Variants in ZNF827 observed in about 807,000 individuals in gnomAD.
The protein encoded by ZNF827 is zinc finger protein 827.
Under a neutral mutation model 102.4 loss-of-function variants are expected in ZNF827, and 13 were observed. The ratio of observed to expected loss-of-function variants is 0.13; its 90% CI spans 0.08 to 0.20. The LOEUF is 0.20. ZNF827 is among the 10% of genes least tolerant of loss of function. ZNF827 has a pLI of 1.00. For missense variants in ZNF827, 1,103 were observed against 1,344.4 expected (o/e 0.82, Z 2.81); for synonymous variants, 523 against 536.2 (o/e 0.98, Z 0.34).
intron 4 of ZNF827, among the ~76,000 whole-genome samples, chr4:145,875,732 T>C (rs1749097514): frequency 6.6e-6 from 1 of 152,126 alleles, no homozygotes; most frequent in South Asian, 2.1e-4. Flanking sequence ...AACTGCTCTG[T>C]GAAAAAGCAA....
At chr4:145,846,648 C>T in intron 6 of ZNF827, among the ~76,000 whole-genome samples, 1 of 137,778 alleles carries the variant, frequency 7.3e-6, no homozygotes, top group Non-Finnish European at 1.5e-5. Flanking sequence ...GAAAACCCGT[C>T]TCTACTAAAA....
intron 8 of ZNF827, among the ~76,000 whole-genome samples, chr4:145,797,420 G>T (rs1327939410): frequency 6.6e-6 from 1 of 152,138 alleles, no homozygotes; most frequent in Admixed American, 6.5e-5. Flanking sequence ...AACAGCCAGA[G>T]GATTAATCTT....
At chr4:145,769,140 T>C (rs1292057247) in intron 11 of ZNF827, among the ~76,000 whole-genome samples, 1 of 151,840 alleles carries the variant, frequency 6.6e-6, no homozygotes, top group Admixed American at 6.6e-5. Flanking sequence ...GGCAGACAAC[T>C]CTTACTTCAG....
intron 7 of ZNF827, among the ~76,000 whole-genome samples, chr4:145,835,495 G>C (rs1408393693): frequency 6.6e-6 from 1 of 150,532 alleles, no homozygotes; most frequent in Non-Finnish European, 1.5e-5. Flanking sequence ...CACCTGCCCA[G>C]TTCCCTTATT....
rs561377368 is a variant in ZNF827, at chr4:145,823,483, G to C, written c.2322C>G (p.Thr774=). 1.9e-6 allele frequency: 3 copies of C among 1,613,936 alleles called. No homozygotes were observed. Among genetic ancestry groups the C allele is most frequent in the Non-Finnish European group, 2.5e-6 (3 of 1,179,982 alleles). Residue 774 remains threonine, a synonymous_variant, in exon 8 of 15, where the codon ACC becomes ACG. Coordinates refer to ENST00000508784, the MANE Select transcript of ZNF827 (RefSeq NM_001306215.2). ...TGGGCAGCAGTTCTTTTGAATTGGA[G>C]GTGAATGGTGATTGTCTAAATGTGT... The part of the protein sequence containing the change: ...SEDTFRQSPF[T]SNSKELLPSD...
intron 8 of ZNF827, among the ~76,000 whole-genome samples, chr4:145,813,113 C>T (rs2126413206): frequency 6.6e-6 from 1 of 152,272 alleles, no homozygotes; most frequent in Middle Eastern, 3.4e-3. Flanking sequence ...CTCCTGACAT[C>T]TATCAACATT....
intron 10 of ZNF827, among the ~76,000 whole-genome samples, chr4:145,774,943 CTA>C (rs1217048027): frequency 1.3e-5 from 2 of 152,164 alleles, no homozygotes; most frequent in Non-Finnish European, 2.9e-5. Flanking sequence ...TAATTTAAAA[CTA>C]TGGATTCCAG....
intron 1 of ZNF827, 47 bp from the exon 2 acceptor site, chr4:145,903,262 A>G: frequency 6.5e-7 from 1 of 1,547,448 alleles, no homozygotes; most frequent in Non-Finnish European, 8.7e-7. Context: ...GTGAACAATA[A>G]GTAAGTCTCA....
rs371507342 is a variant in ZNF827 at position 145,922,654 on chromosome 4, C to G, written c.43+15711G>C. 2.6e-5 allele frequency among the ~76,000 whole-genome samples: 4 copies of G among 152,332 alleles called. No homozygotes were observed. In the East Asian group the frequency reaches 7.7e-4, roughly 29 times the overall value. On this transcript the variant is annotated intron_variant, in intron 1 of 14. Transcript: ENST00000508784. ...TACATGCATAAAGCACTTCTGCTAT[C>G]ACCAAAGTACGGTGGCTGTCTCAAG...
intron 8 of ZNF827, among the ~76,000 whole-genome samples, chr4:145,819,072 G>A (rs868536000): frequency 5.3e-5 from 8 of 151,180 alleles, no homozygotes; most frequent in East Asian, 1.9e-4. Flanking sequence ...ATCTTTTCTT[G>A]TTTGTACATT....
At chr4:145,769,996 G>C (rs1735997655) in intron 11 of ZNF827, among the ~76,000 whole-genome samples, 1 of 152,072 alleles carries the variant, frequency 6.6e-6, no homozygotes, top group Admixed American at 6.6e-5. Flanking sequence ...TTAAGATTAA[G>C]AATAAAGACT....
intron 11 of ZNF827, 80 bp downstream of exon 11, chr4:145,774,426 G>T (rs1163258282): frequency 6.7e-7 from 1 of 1,483,356 alleles, no homozygotes; most frequent in African/African-American, 1.4e-5. Flanking sequence ...GGGCAGTGGG[G>T]ATGCTTCGGC....
chr4:145,827,451 A>G (rs1401820775), intron 7 of ZNF827, among the ~76,000 whole-genome samples: 1 of 152,222 alleles, frequency 6.6e-6, no homozygotes, highest in African/African-American at 2.4e-5. Context: ...ATATGCCCCA[A>G]TTTCCTAAAA....
At chr4:145,862,748 T>C (rs1579409736) in intron 5 of ZNF827, among the ~76,000 whole-genome samples, 1 of 152,228 alleles carries the variant, frequency 6.6e-6, no homozygotes, top group Non-Finnish European at 1.5e-5. Context: ...TTCACAGGCT[T>C]TATATCTCTG....
Position 145,760,675 on chromosome 4 carries a change from T to G in ZNF827, c.*941A>C. ...TTCCAGACCCATCGGGGTCTGTAGG[T>G]TTTGCAGCAACATACACCTGCTGGG... is the stretch of plus-strand genomic sequence containing the variant. On this transcript the variant is annotated 3_prime_UTR_variant, in exon 15 of 15. Transcript: ENST00000508784. 2.4e-6 allele frequency: 2 copies of G among 834,694 alleles called. No homozygotes were observed. The highest frequency in any genetic ancestry group is 3.0e-6 in the Non-Finnish European group (2 of 660,596). 51.7% of individuals were successfully genotyped at this position (834,694 alleles called of 1,614,324 possible).
intron 1 of ZNF827, among the ~76,000 whole-genome samples, chr4:145,906,326 T>C (rs1367689712): frequency 6.6e-6 from 1 of 152,234 alleles, no homozygotes; most frequent in Admixed American, 6.5e-5. Flanking sequence ...TTCTCTTAGA[T>C]AAGGACAGTA....
intron 8 of ZNF827, among the ~76,000 whole-genome samples, chr4:145,807,138 A>C (rs542716956): frequency 6.6e-6 from 1 of 152,316 alleles, no homozygotes; most frequent in Non-Finnish European, 1.5e-5. Flanking sequence ...ATTTGTTGGA[A>C]TTTCACCTTC....
At chr4:145,892,470 T>A in intron 2 of ZNF827, 55 bp from the exon 3 acceptor site, 2 of 1,524,662 alleles carry the variant, frequency 1.3e-6, no homozygotes, top group South Asian at 1.3e-5. Context: ...GTACACTGCA[T>A]CTGGCATTAA....
At chr4:145,904,983 G>T (rs536579586) in intron 1 of ZNF827, among the ~76,000 whole-genome samples, 40 of 152,316 alleles carry the variant, frequency 2.6e-4, no homozygotes, top group Middle Eastern at 6.8e-3. Flanking sequence ...GATTATGAAG[G>T]CTCAGCTCAG....
Sources: gnomAD v4.1 joint callset for allele counts (sites outside exome capture counted in the v4.1 genomes callset) on GRCh38, gnomAD v4.1.1 for gene constraint, MANE v1.5 for transcripts, NCBI Gene and HGNC (gene_info 2026-07-23, HGNC 2026-07-21) for gene names.